ANO10: variants seen among roughly 807,000 people sequenced by gnomAD.
The protein encoded by ANO10 is anoctamin 10.
ANO10 carries 77 observed loss-of-function variants against 74.7 expected under a neutral mutation model. That is an observed-to-expected ratio of 1.03 (90% CI 0.86 to 1.25). The LOEUF is 1.25. ANO10 is among the 50% of genes most tolerant of loss of function. The pLI, the probability that ANO10 is intolerant of heterozygous loss-of-function variation, is 0.00. For missense variants in ANO10, 721 were observed against 778.1 expected, an observed-to-expected ratio of 0.93 and a Z score of 0.87; for synonymous variants, 279 against 284.9, an observed-to-expected ratio of 0.98 and a Z score of 0.21.
At position 43,372,726 on chromosome 3, in the gene ANO10, A is replaced by G. The variant is rs534998830; in HGVS notation, c.1915-5752T>C. On this transcript the variant is annotated intron_variant, in intron 12 of 12. Coordinates refer to ENST00000292246, the MANE Select transcript of ANO10 (RefSeq NM_018075.5). ...TTTTCTGTCTTAAATGTTCTATCCT[A>G]CCTGGTATGTGGTCTCCAGAGAGCA... is the stretch of plus-strand genomic sequence containing the variant. 82 of 865,794 alleles carry G rather than the reference A, an allele frequency of 9.5e-5. No individual in the cohort carries two copies. The African/African-American group carries it at 1.3e-3, about 13-fold the overall frequency. The allele number at this position is 865,794 out of a possible 1,614,324, so 53.6% of individuals were successfully genotyped here.
chr3:43,451,911 G>A (rs1213602001), intron 11 of ANO10, among the ~76,000 whole-genome samples: 1 of 152,052 alleles, frequency 6.6e-6, no homozygotes, highest in Non-Finnish European at 1.5e-5. Flanking sequence ...AGTGAAAATG[G>A]CTTTCTGTTG....
At chr3:43,552,663 C>CT (rs1259696772) in intron 10 of ANO10, among the ~76,000 whole-genome samples, 3 of 144,132 alleles carry the variant, frequency 2.1e-5, no homozygotes, top group African/African-American at 7.7e-5. Context: ...AAGTGTCTTG[C>CT]TTTTTCCTTC....
At chr3:43,617,378 A>T (rs2083165208) in intron 1 of ANO10, among the ~76,000 whole-genome samples, 1 of 152,060 alleles carries the variant, frequency 6.6e-6, no homozygotes, top group Non-Finnish European at 1.5e-5. Context: ...GACAGCAGCC[A>T]GGCTGATTAT....
At chr3:43,643,558 T>G (rs1281860720) in intron 1 of ANO10, among the ~76,000 whole-genome samples, 1 of 151,738 alleles carries the variant, frequency 6.6e-6, no homozygotes, top group Non-Finnish European at 1.5e-5. Flanking sequence ...GTGTAGGGAG[T>G]GACTTGCATT....
intron 1 of ANO10, among the ~76,000 whole-genome samples, chr3:43,634,303 TA>T (rs529251940): frequency 3.3e-4 from 50 of 151,788 alleles, no homozygotes; most frequent in African/African-American, 9.9e-4. Context: ...TTTTAATAAT[TA>T]AAAAAAATAA....
At chr3:43,385,914 TA>T (rs901516556) in intron 12 of ANO10, among the ~76,000 whole-genome samples, 5 of 151,918 alleles carry the variant, frequency 3.3e-5, no homozygotes, top group East Asian at 1.9e-4. Context: ...CATATTGAAA[TA>T]AAAAAAATTA....
intron 11 of ANO10, chr3:43,472,475 A>T (rs2075898445): frequency 6.6e-6 from 1 of 152,096 alleles, no homozygotes; most frequent in Non-Finnish European, 1.5e-5. Context: ...AGACACCAAA[A>T]AAGAGGGTCT....
intron 1 of ANO10, chr3:43,690,900 T>G (rs2084356693): frequency 1.5e-6 from 2 of 1,378,960 alleles, no homozygotes; most frequent in South Asian, 2.9e-5. Context: ...GCTGGCGGCC[T>G]GCGCCGCCTT....
At chr3:43,568,970 T>G (rs1302962960) in intron 7 of ANO10, among the ~76,000 whole-genome samples, 1 of 138,494 alleles carries the variant, frequency 7.2e-6, no homozygotes, top group Admixed American at 7.2e-5. Context: ...GAGAGAAGAA[T>G]CAAATAGACG....
chr3:43,415,007 C>T (rs2092717536), intron 12 of ANO10, among the ~76,000 whole-genome samples: 1 of 112,480 alleles, frequency 8.9e-6, no homozygotes, highest in Admixed American at 1.2e-4. Flanking sequence ...CAGGGTCTTA[C>T]TCTGTCACCC....
intron 12 of ANO10, among the ~76,000 whole-genome samples, chr3:43,376,767 A>C (rs763996811): frequency 5.2e-4 from 79 of 152,344 alleles, no homozygotes; most frequent in Admixed American, 9.1e-4. Context: ...TTTTAAAATG[A>C]CTTTGGCATG....
At chr3:43,456,833 A>G (rs1216332015) in intron 11 of ANO10, among the ~76,000 whole-genome samples, 1 of 152,244 alleles carries the variant, frequency 6.6e-6, no homozygotes, top group African/African-American at 2.4e-5. Context: ...GGTAGTGGTC[A>G]TGGGAAAAGT....
chr3:43,680,084 G>C (rs1264668751), intron 1 of ANO10, among the ~76,000 whole-genome samples: 1 of 152,246 alleles, frequency 6.6e-6, no homozygotes, highest in Non-Finnish European at 1.5e-5. Flanking sequence ...AAGCTGGACA[G>C]AGAATGACTT....
chr3:43,582,980 A>G (rs974737708), intron 4 of ANO10, among the ~76,000 whole-genome samples: 9 of 152,192 alleles, frequency 5.9e-5, no homozygotes, highest in Non-Finnish European at 1.0e-4. Context: ...GTAAATTACT[A>G]CATCAAGTTT....
At chr3:43,539,524 C>G (rs895694640) in intron 11 of ANO10, among the ~76,000 whole-genome samples, 6 of 152,130 alleles carry the variant, frequency 3.9e-5, no homozygotes, top group Non-Finnish European at 8.8e-5. Context: ...CCTAGCAGGT[C>G]TGTTGTTGAG....
In ANO10 at chr3:43,446,046, C is replaced by T. The variant is rs552985068; in HGVS notation, c.1798-13319G>A. Among the ~76,000 whole-genome samples the T allele has an allele frequency of 5.9e-5, 9 of 152,164 alleles. No individual in the cohort carries two copies. The South Asian group carries it at 8.3e-4, about 14-fold the overall frequency. On this transcript the variant is annotated intron_variant, in intron 11 of 12. Coordinates refer to ENST00000292246, the MANE Select transcript of ANO10 (RefSeq NM_018075.5). ...ATGAGAGTAAAGACAAGAAGCCTGGCGGAGAGAGAAACGTATAGATATCAC... is the reference window on the plus strand; with the variant it reads ...ATGAGAGTAAAGACAAGAAGCCTGGTGGAGAGAGAAACGTATAGATATCAC...
chr3:43,555,012 T>A (rs1256215444), intron 10 of ANO10, among the ~76,000 whole-genome samples: 1 of 152,188 alleles, frequency 6.6e-6, no homozygotes, highest in Non-Finnish European at 1.5e-5. Context: ...AGCTGGCTAC[T>A]TTCCCAGAAG....
At position 43,366,956 on chromosome 3, in the gene ANO10, C is replaced by T. The variant is rs866263881; in HGVS notation, c.1933G>A (p.Glu645Lys). The T allele has an allele frequency of 7.5e-6, 12 of 1,601,822 alleles. No homozygotes were observed. The highest frequency in any genetic ancestry group is 4.5e-5 in the South Asian group (4 of 88,696). ...LKQQQMKLVT[E>K]NLKEEPMESG... ...TCCATTGGTTCCTCCTTCAGGTTCT[C>T]GGTCACGAGCTTCATTTGCTGTTAA... Residue 645 changes from glutamate (E) to lysine (K), a missense_variant, in exon 13 of 13, where the codon GAG (glutamate) becomes AAG (lysine). Transcript: ENST00000292246.
chr3:43,658,057 C>T (rs2083877216), intron 1 of ANO10, among the ~76,000 whole-genome samples: 1 of 152,128 alleles, frequency 6.6e-6, no homozygotes, highest in South Asian at 2.1e-4. Flanking sequence ...CCTCCCTTCA[C>T]TCAGGTAAAA....
Sources: gnomAD v4.1 joint callset for allele counts (sites outside exome capture counted in the v4.1 genomes callset) on GRCh38, gnomAD v4.1.1 for gene constraint, MANE v1.5 for transcripts, NCBI Gene and HGNC (gene_info 2026-07-23, HGNC 2026-07-21) for gene names.